Variants in EVA1C observed in about 807,000 individuals in gnomAD.
EVA1C encodes the protein protein eva-1 homolog C.
In EVA1C, 25 loss-of-function variants were observed where a neutral mutation model predicts 45.4. The observed-to-expected ratio is 0.55, with a 90% CI of 0.40 to 0.77. The LOEUF is 0.77. EVA1C is among the 30% of genes least tolerant of loss of function. The pLI is 0.00. For missense variants in EVA1C, 479 were observed against 554.8 expected (o/e 0.86, Z 1.37); for synonymous variants, 190 against 221.2 (o/e 0.86, Z 1.25).
chr21:32,462,544 T>C (rs947508436), intron 3 of EVA1C, among the ~76,000 whole-genome samples: 10 of 152,226 alleles, frequency 6.6e-5, no homozygotes, highest in African/African-American at 2.4e-4. Flanking sequence ...TAGTGATGTG[T>C]TGGGAACAGG....
chr21:32,490,920 C>T (rs1036225669), intron 4 of EVA1C, among the ~76,000 whole-genome samples: 1 of 152,236 alleles, frequency 6.6e-6, no homozygotes, highest in Non-Finnish European at 1.5e-5. Flanking sequence ...AGGTTATAAC[C>T]TTCCCTTTGT....
intron 1 of EVA1C, chr21:32,428,344 G>A (rs1395619983): frequency 6.6e-6 from 1 of 152,212 alleles, no homozygotes; most frequent in African/African-American, 2.4e-5. Flanking sequence ...TGGAGTGCCA[G>A]TACACAACAT....
intron 1 of EVA1C, among the ~76,000 whole-genome samples, chr21:32,430,845 T>C (rs2034671354): frequency 6.6e-6 from 1 of 152,038 alleles, no homozygotes; most frequent in Non-Finnish European, 1.5e-5. Flanking sequence ...TGATGGCTCA[T>C]GCCTGTTGTC....
chr21:32,507,524 C>G (rs111213009), intron 7 of EVA1C, among the ~76,000 whole-genome samples: 44 of 139,804 alleles, frequency 3.1e-4, no homozygotes, highest in African/African-American at 1.2e-3. Context: ...GCATGTGTCT[C>G]TGTGTGTGCA....
intron 1 of EVA1C, among the ~76,000 whole-genome samples, chr21:32,439,192 A>G (rs2035078928): frequency 6.8e-6 from 1 of 147,160 alleles, no homozygotes; most frequent in East Asian, 2.1e-4. Context: ...GTGAGCTGAG[A>G]TCTTGCCACA....
intron 7 of EVA1C, among the ~76,000 whole-genome samples, chr21:32,513,278 G>C (rs2038020435): frequency 6.7e-6 from 1 of 148,570 alleles, no homozygotes; most frequent in Non-Finnish European, 1.5e-5. Flanking sequence ...TCGGGTTCAC[G>C]CCATCCTCCT....
intron 1 of EVA1C, among the ~76,000 whole-genome samples, chr21:32,424,716 G>C (rs557116573): frequency 1.3e-5 from 2 of 152,316 alleles, no homozygotes; most frequent in Admixed American, 6.5e-5. Context: ...GTCACGGCAG[G>C]CTGTGGAGAA....
At chr21:32,509,351 A>T (rs2037871426) in intron 7 of EVA1C, among the ~76,000 whole-genome samples, 1 of 152,226 alleles carries the variant, frequency 6.6e-6, no homozygotes, top group Admixed American at 6.5e-5. Flanking sequence ...GACTTGCCTT[A>T]AAGAGCGCTC....
intron 4 of EVA1C, 65 bp downstream of exon 4, chr21:32,467,913 T>TAGAG: frequency 9.9e-7 from 1 of 1,008,342 alleles, no homozygotes; most frequent in Non-Finnish European, 1.3e-6. Flanking sequence ...AGAATATATA[T>TAGAG]ATATATATCC....
chr21:32,493,439 C>T (rs1046672428), intron 4 of EVA1C, among the ~76,000 whole-genome samples: 2 of 152,164 alleles, frequency 1.3e-5, no homozygotes, highest in African/African-American at 4.8e-5. Context: ...CCTACTCATT[C>T]GCTGTGGTCG....
chr21:32,413,418 T>A (rs2033910731), intron 1 of EVA1C, among the ~76,000 whole-genome samples: 1 of 152,154 alleles, frequency 6.6e-6, no homozygotes, highest in Non-Finnish European at 1.5e-5. Flanking sequence ...CGTTTGCCCA[T>A]GTAAGGAGAC....
intron 1 of EVA1C, among the ~76,000 whole-genome samples, chr21:32,425,498 A>G (rs924148709): frequency 3.9e-5 from 6 of 151,966 alleles, no homozygotes; most frequent in Non-Finnish European, 7.4e-5. Flanking sequence ...ATTATTTTTT[A>G]TTAGTGTTAG....
At chr21:32,426,094 C>T (rs936954977) in intron 1 of EVA1C, among the ~76,000 whole-genome samples, 49 of 152,194 alleles carry the variant, frequency 3.2e-4, no homozygotes, top group African/African-American at 1.2e-3. Context: ...AATGAAAATC[C>T]ACTGGCTGCT....
At position 32,505,864 on chromosome 21, in the gene EVA1C, C is replaced by T. The variant is rs1214327896; in HGVS notation, c.949+1849C>T. Among the ~76,000 whole-genome samples, 13 of 152,282 alleles carry T rather than the reference C, an allele frequency of 8.5e-5. 1 individual carries two copies. The South Asian group carries it at 1.5e-3, about 17-fold the overall frequency. ...CCTTAATTAGCTCCTAATGAGTGAA[C>T]TGGGGGCAACACAATTCAGTCCATA... is the stretch of plus-strand genomic sequence containing the variant. On this transcript the variant is annotated intron_variant, in intron 7 of 7. Coordinates refer to ENST00000300255, the MANE Select transcript of EVA1C (RefSeq NM_058187.5).
chr21:32,481,776 A>G (rs576615901), intron 4 of EVA1C, among the ~76,000 whole-genome samples: 41 of 152,298 alleles, frequency 2.7e-4, no homozygotes, highest in Non-Finnish European at 4.6e-4. Context: ...AAAATCGATA[A>G]GGGAGAATAA....
intron 4 of EVA1C, 36 bp from the exon 5 acceptor site, chr21:32,494,991 T>G: frequency 6.2e-7 from 1 of 1,609,174 alleles, no homozygotes; most frequent in Non-Finnish European, 8.5e-7. Flanking sequence ...CTGTGTGGGA[T>G]GCAACCTGAA....
chr21:32,450,232 T>C (rs1020177363), intron 1 of EVA1C, among the ~76,000 whole-genome samples: 3 of 152,144 alleles, frequency 2.0e-5, no homozygotes, highest in Non-Finnish European at 2.9e-5. Context: ...GGATAGACTA[T>C]GTGACAGAGT....
chr21:32,475,878 T>TC (rs2036536449), intron 4 of EVA1C, among the ~76,000 whole-genome samples: 1 of 147,984 alleles, frequency 6.8e-6, no homozygotes, highest in Non-Finnish European at 1.5e-5. Flanking sequence ...TTCTAAAAAC[T>TC]TTATCTATCT....
intron 2 of EVA1C, among the ~76,000 whole-genome samples, chr21:32,457,077 G>T (rs930126404): frequency 6.6e-6 from 1 of 152,152 alleles, no homozygotes; most frequent in African/African-American, 2.4e-5. Context: ...TTTGGCCTGT[G>T]GATGGTTCGT....
Sources: gnomAD v4.1 joint callset for allele counts (sites outside exome capture counted in the v4.1 genomes callset) on GRCh38, gnomAD v4.1.1 for gene constraint, MANE v1.5 for transcripts, NCBI Gene and HGNC (gene_info 2026-07-23, HGNC 2026-07-21) for gene names.